The following ROBO2 variants were observed in gnomAD, a reference collection of about 807,000 sequenced individuals.
ROBO2 encodes the protein roundabout guidance receptor 2.
In ROBO2, 53 loss-of-function variants were observed where a neutral mutation model predicts 160.8. The observed-to-expected ratio is 0.33, with a 90% confidence interval of 0.26 to 0.41. The LOEUF is 0.41. ROBO2 is among the 10% of genes least tolerant of loss of function. ROBO2 has a pLI of 1.00. For synonymous variants in ROBO2, 664 were observed against 611.7 expected (o/e 1.09, Z -1.26); for missense variants, 1,577 against 1,722.4 (o/e 0.92, Z 1.49).
At chr3:76,382,591 A>C (rs1385642217) in intron 2 of ROBO2, among the ~76,000 whole-genome samples, 1 of 152,234 alleles carries the variant, frequency 6.6e-6, no homozygotes, top group Non-Finnish European at 1.5e-5. Context: ...CGTCTCAAAA[A>C]CAAACAAACA....
intron 2 of ROBO2, among the ~76,000 whole-genome samples, chr3:76,791,443 GC>G (rs1459068667): frequency 3.4e-5 from 5 of 148,062 alleles, no homozygotes; most frequent in Non-Finnish European, 1.5e-5. Context: ...AGATATTTCT[GC>G]TTTCATGTCT....
chr3:77,034,517 T>C (rs1307887872), intron 2 of ROBO2, among the ~76,000 whole-genome samples: 1 of 151,874 alleles, frequency 6.6e-6, no homozygotes, highest in Non-Finnish European at 1.5e-5. Flanking sequence ...TTCTACAGGA[T>C]AAAACCATAG....
intron 1 of ROBO2, among the ~76,000 whole-genome samples, chr3:75,930,606 C>T (rs1261301801): frequency 2.0e-5 from 3 of 152,116 alleles, no homozygotes; most frequent in African/African-American, 7.2e-5. Flanking sequence ...AGAGTTTGGC[C>T]CAGACCTTTA....
intron 2 of ROBO2, among the ~76,000 whole-genome samples, chr3:76,050,573 A>G (rs2067620411): frequency 1.3e-5 from 2 of 152,152 alleles, no homozygotes; most frequent in Admixed American, 6.5e-5. Context: ...ACATCCAGCT[A>G]GGAGACACAG....
intron 2 of ROBO2, among the ~76,000 whole-genome samples, chr3:76,818,089 G>A (rs1443980432): frequency 6.6e-6 from 1 of 151,992 alleles, no homozygotes; most frequent in Non-Finnish European, 1.5e-5. Flanking sequence ...GTTTTCCATA[G>A]TGGTTGTGCT....
At chr3:76,447,056 T>G (rs1357728972) in intron 2 of ROBO2, among the ~76,000 whole-genome samples, 1 of 152,080 alleles carries the variant, frequency 6.6e-6, no homozygotes, top group Admixed American at 6.5e-5. Flanking sequence ...CTAATTAAAC[T>G]AAAGAGCTTC....
chr3:77,565,261 G>C (rs1296664180), intron 12 of ROBO2, 141 bp downstream of exon 13: 2 of 1,012,836 alleles, frequency 2.0e-6, no homozygotes, highest in Non-Finnish European at 3.1e-6. Context: ...GGAAGGAGAA[G>C]GTAGCTTGCT....
chr3:77,051,166 A>G (rs1430156266), intron 1 of ROBO2, among the ~76,000 whole-genome samples: 1 of 152,208 alleles, frequency 6.6e-6, no homozygotes, highest in Admixed American at 6.5e-5. Context: ...AAACATGTAA[A>G]TACATTTCAT....
At chr3:76,759,662 C>T (rs2061188787) in intron 2 of ROBO2, among the ~76,000 whole-genome samples, 1 of 151,390 alleles carries the variant, frequency 6.6e-6, no homozygotes, top group Non-Finnish European at 1.5e-5. Flanking sequence ...TCTGTCTCCT[C>T]GGATTAAGAG....
chr3:76,273,908 G>C (rs1707761012), intron 2 of ROBO2, among the ~76,000 whole-genome samples: 1 of 152,130 alleles, frequency 6.6e-6, no homozygotes, highest in South Asian at 2.1e-4. Context: ...GAACATCCAA[G>C]ATGAAGGTGC....
At chr3:77,096,562 C>A (rs1399538017) in intron 1 of ROBO2, among the ~76,000 whole-genome samples, 1 of 151,742 alleles carries the variant, frequency 6.6e-6, no homozygotes, top group Non-Finnish European at 1.5e-5. Flanking sequence ...GATTCTCCTG[C>A]CTCAGCCTCC....
chr3:76,129,991 GAGA>G (rs1439921590), intron 2 of ROBO2, among the ~76,000 whole-genome samples: 1 of 152,038 alleles, frequency 6.6e-6, no homozygotes, highest in African/African-American at 2.4e-5. Flanking sequence ...AAAAACATAT[GAGA>G]AGGTTTTCAA....
At chr3:76,064,815 A>G (rs75873988) in intron 2 of ROBO2, among the ~76,000 whole-genome samples, 3,838 of 152,244 alleles carry the variant, frequency 0.025, 160 homozygotes, top group African/African-American at 0.087. Context: ...AAAAATAAAA[A>G]AGAGAACTAA....
intron 2 of ROBO2, among the ~76,000 whole-genome samples, chr3:77,172,003 T>C (rs1056896759): frequency 5.9e-5 from 9 of 152,346 alleles, no homozygotes; most frequent in Middle Eastern, 6.8e-3. Flanking sequence ...TAATCATGTT[T>C]AGGCTAATCA....
intron 2 of ROBO2, among the ~76,000 whole-genome samples, chr3:76,844,193 C>A (rs1376534010): frequency 6.6e-6 from 1 of 151,858 alleles, no homozygotes; most frequent in Non-Finnish European, 1.5e-5. Context: ...ACGTCATTTG[C>A]AATTGAGTAA....
chr3:76,439,883 C>G (rs563294775), intron 2 of ROBO2, among the ~76,000 whole-genome samples: 3 of 152,148 alleles, frequency 2.0e-5, no homozygotes, highest in Non-Finnish European at 2.9e-5. Flanking sequence ...TAGTTCATCA[C>G]ATTGGTAGCC....
intron 23 of ROBO2, among the ~76,000 whole-genome samples, chr3:77,625,437 G>A (rs1235514424): frequency 6.6e-6 from 1 of 151,662 alleles, no homozygotes; most frequent in Non-Finnish European, 1.5e-5. Context: ...GAGTGCAGTG[G>A]CACGATCTCG....
chr3:77,614,284 TC>T (rs1008863041), intron 21 of ROBO2, among the ~76,000 whole-genome samples: 1 of 152,188 alleles, frequency 6.6e-6, no homozygotes, highest in Non-Finnish European at 1.5e-5. Flanking sequence ...GGATCTTTTT[TC>T]CACATGAAAT....
intron 2 of ROBO2, among the ~76,000 whole-genome samples, chr3:77,136,479 CTTTTTTTTTTTTTTT>C (rs59688881): frequency 1.5e-5 from 1 of 67,890 alleles, no homozygotes; most frequent in African/African-American, 6.0e-5. Flanking sequence ...ATAAAATATG[CTTTTTTTTTTTTTTT>C]TTTTTTTTTT....
Sources: gnomAD v4.1 joint callset for allele counts (sites outside exome capture counted in the v4.1 genomes callset) on GRCh38, gnomAD v4.1.1 for gene constraint, MANE v1.5 for transcripts, NCBI Gene and HGNC (gene_info 2026-07-23, HGNC 2026-07-21) for gene names.